Variants in THSD4 observed in about 807,000 individuals in gnomAD.
The protein encoded by THSD4 is thrombospondin type 1 domain containing 4, also known as thrombospondin type-1 domain-containing protein 4.
THSD4 carries 69 observed loss-of-function variants against 119.0 expected under a neutral mutation model. That is an observed-to-expected ratio of 0.58 (90% CI 0.48 to 0.71). The LOEUF is 0.71. THSD4 is among the 30% of genes least tolerant of loss of function. The pLI, the probability that THSD4 is intolerant of heterozygous loss-of-function variation, is 0.00. For synonymous variants in THSD4, 524 were observed against 540.4 expected (o/e 0.97, Z 0.42); for missense variants, 1,393 against 1,391.1 (o/e 1.00, Z -0.02).
intron 6 of THSD4, among the ~76,000 whole-genome samples, chr15:71,309,414 A>G (rs1214376532): frequency 1.3e-5 from 2 of 152,244 alleles, no homozygotes; most frequent in Non-Finnish European, 2.9e-5. Flanking sequence ...TACCAGATAT[A>G]TAATTTGCAG....
chr15:71,472,643 C>G (rs1054142659), intron 7 of THSD4, among the ~76,000 whole-genome samples: 4 of 152,156 alleles, frequency 2.6e-5, no homozygotes, highest in African/African-American at 9.7e-5. Flanking sequence ...TTCTTCATTC[C>G]AAGATGAATG....
rs112281010 is a variant in THSD4 at position 71,688,573 on chromosome 15, T to C, written c.1357+27839T>C. On this transcript the variant is annotated intron_variant, in intron 8 of 17. Coordinates refer to ENST00000261862, the MANE Select transcript of THSD4 (RefSeq NM_024817.3). ...GAAGCTTATTTGCAAAAATAATAGATGAAAAAGGGAAATTAAATCCTCTGT... is the reference window on the plus strand; with the variant it reads ...GAAGCTTATTTGCAAAAATAATAGACGAAAAAGGGAAATTAAATCCTCTGT... 7.5e-3 allele frequency among the ~76,000 whole-genome samples: 1,139 copies of C among 152,308 alleles called. 14 individuals carry two copies. Among genetic ancestry groups the C allele is most frequent in the African/African-American group, 0.026 (1,086 of 41,580 alleles).
At chr15:71,191,904 CTTT>C (rs11452105) in intron 3 of THSD4, among the ~76,000 whole-genome samples, 12 of 142,448 alleles carry the variant, frequency 8.4e-5, no homozygotes, top group Non-Finnish European at 1.5e-4. Flanking sequence ...TCTTCTTCTT[CTTT>C]TTTTTTTTTT....
intron 1 of THSD4, among the ~76,000 whole-genome samples, chr15:71,117,390 C>T (rs899191862): frequency 1.3e-5 from 2 of 152,082 alleles, no homozygotes; most frequent in African/African-American, 4.8e-5. Flanking sequence ...ATCAGTTATC[C>T]TACACAGAGG....
At position 71,559,972 on chromosome 15, in the gene THSD4, A is replaced by C. The variant is rs368497132; in HGVS notation, c.1153-100558A>C. Among the ~76,000 whole-genome samples the C allele has an allele frequency of 7.2e-5, 11 of 152,296 alleles. No individual in the cohort carries two copies. In the East Asian group the frequency reaches 1.3e-3, roughly 19 times the overall value. On this transcript the variant is annotated intron_variant, in intron 7 of 17. Transcript: ENST00000261862. ...AAATGAAAATATTATTTAGTCTAAA[A>C]ACTAATGCTACAATGAGTATCTTTT...
chr15:71,383,198 T>C (rs1164815056), intron 6 of THSD4, among the ~76,000 whole-genome samples: 1 of 152,224 alleles, frequency 6.6e-6, no homozygotes, highest in Non-Finnish European at 1.5e-5. Flanking sequence ...CCTGTAATTT[T>C]GGGGGACCAG....
Position 71,652,349 on chromosome 15 carries a change from C to T in THSD4, c.1153-8181C>T, listed in dbSNP as rs566150029. Among the ~76,000 whole-genome samples the T allele has an allele frequency of 3.5e-3, 534 of 151,928 alleles. 1 individual carries two copies. Among genetic ancestry groups the T allele is most frequent in the Non-Finnish European group, 4.9e-3 (336 of 67,944 alleles). ...ATCTCTTTAAACACAATTCACCATA[C>T]GGCTCTACACATTAAAAGTAAAGTG... On this transcript the variant is annotated intron_variant, in intron 7 of 17. Transcript: ENST00000261862.
chr15:71,594,151 A>T (rs1407493677), intron 7 of THSD4, among the ~76,000 whole-genome samples: 1 of 151,238 alleles, frequency 6.6e-6, no homozygotes, highest in Non-Finnish European at 1.5e-5. Context: ...CTCACAGCCT[A>T]GGGATCCACT....
intron 1 of THSD4, among the ~76,000 whole-genome samples, chr15:71,134,252 A>G (rs2040529111): frequency 6.6e-6 from 1 of 152,222 alleles, no homozygotes; most frequent in African/African-American, 2.4e-5. Context: ...AGCAGCTGGA[A>G]ATGTGACCGG....
intron 3 of THSD4, among the ~76,000 whole-genome samples, chr15:71,208,570 G>C (rs923810728): frequency 3.3e-5 from 5 of 151,116 alleles, no homozygotes; most frequent in Admixed American, 3.3e-4. Flanking sequence ...GGAGTGCAGT[G>C]GTGAAATCTT....
At chr15:71,657,465 A>C (rs2051213384) in intron 7 of THSD4, among the ~76,000 whole-genome samples, 1 of 152,184 alleles carries the variant, frequency 6.6e-6, no homozygotes, top group Non-Finnish European at 1.5e-5. Context: ...CCTTGGCCTC[A>C]GCTAAATATT....
At chr15:71,695,482 T>A (rs1423126845) in intron 8 of THSD4, among the ~76,000 whole-genome samples, 1 of 149,010 alleles carries the variant, frequency 6.7e-6, no homozygotes, top group African/African-American at 2.5e-5. Context: ...TATATACACA[T>A]AAAATATTTG....
intron 6 of THSD4, among the ~76,000 whole-genome samples, chr15:71,333,155 A>G (rs181272296): frequency 1.7e-4 from 26 of 152,096 alleles, no homozygotes; most frequent in African/African-American, 6.0e-4. Flanking sequence ...GTGGGGGCAT[A>G]AAGAGCCACT....
chr15:71,640,446 T>G (rs1246723632), intron 7 of THSD4, among the ~76,000 whole-genome samples: 1 of 152,078 alleles, frequency 6.6e-6, no homozygotes, highest in African/African-American at 2.4e-5. Context: ...AGGGGATAAT[T>G]TATGGCAAGA....
intron 5 of THSD4, among the ~76,000 whole-genome samples, chr15:71,246,452 A>G (rs2044202191): frequency 1.3e-5 from 2 of 152,198 alleles, no homozygotes; most frequent in African/African-American, 4.8e-5. Flanking sequence ...ACGCAGTGAC[A>G]AAACGAGATT....
intron 12 of THSD4, among the ~76,000 whole-genome samples, chr15:71,745,836 G>T (rs1461242348): frequency 6.6e-6 from 1 of 152,170 alleles, no homozygotes; most frequent in Non-Finnish European, 1.5e-5. Flanking sequence ...GTAGGGACAG[G>T]GTTTTGCCAT....
In THSD4 at chr15:71,411,823, G is replaced by A. The variant is rs756336180; in HGVS notation, c.1152G>A (p.Lys384=). ...CCATCTGTGTGTCTGGGCAGTGCAA[G>A]GTAAGTGCCCCCGAACTGGGGTGAA... ...GTAICVSGQC[K]SIGCDDYLGS... is the part of the protein sequence containing the mutation. The change falls in exon 7 of 18, where the codon AAG becomes AAA. Residue 384 remains lysine (K), a splice_region_variant and synonymous_variant. Transcript: ENST00000261862. 6.2e-7 allele frequency: 1 copy of A among 1,613,892 alleles called. No homozygotes were observed. The highest frequency in any genetic ancestry group is 1.1e-5 in the South Asian group (1 of 91,068).
intron 6 of THSD4, among the ~76,000 whole-genome samples, chr15:71,312,496 C>T (rs34511988): frequency 3.9e-5 from 6 of 152,086 alleles, no homozygotes; most frequent in African/African-American, 7.2e-5. Context: ...AGAGAGGCCT[C>T]GGAGGAAACG....
At position 71,225,173 on chromosome 15, in the gene THSD4, C is replaced by G. The variant is rs146342674; in HGVS notation, c.464+9774C>G. On this transcript the variant is annotated intron_variant, in intron 4 of 17. Transcript: ENST00000261862. The stretch of plus-strand genomic sequence containing the variant: ...AAGAGGAAAAACCATGCATCCCCAC[C>G]CTACCCTTAAGCATTCTTCTTTAGA... 2.7e-3 allele frequency among the ~76,000 whole-genome samples: 418 copies of G among 152,242 alleles called. 2 individuals are homozygous for G. The highest frequency in any genetic ancestry group is 0.017 in the South Asian group (80 of 4,812).
Sources: allele counts gnomAD v4.1 joint callset (sites outside exome capture counted in the v4.1 genomes callset), GRCh38; gene constraint gnomAD v4.1.1; transcripts MANE v1.5; gene names NCBI Gene and HGNC (gene_info 2026-07-23, HGNC 2026-07-21).